Variants in RFTN1 observed in about 807,000 individuals in gnomAD.
The protein encoded by RFTN1 is raftlin.
RFTN1 carries 26 observed loss-of-function variants against 46.5 expected under a neutral mutation model. That is an observed-to-expected ratio of 0.56 (90% CI 0.41 to 0.78). The LOEUF is 0.78. Among genes scored for constraint, RFTN1 ranks in the 30% least tolerant of loss-of-function variants. The pLI is 0.00. For synonymous variants in RFTN1, 261 were observed against 284.2 expected (o/e 0.92, Z 0.82); for missense variants, 693 against 718.7 (o/e 0.96, Z 0.41).
In RFTN1 at chr3:16,479,483, A is replaced by G. The variant is rs563421779; in HGVS notation, c.145+14242T>C. ...GGGATATGGAAGGCAATCCAGAAAA[A>G]CCTCAACATCCTTCTCCCCATTCCT... On this transcript the variant is annotated intron_variant, in intron 2 of 9. Coordinates refer to ENST00000334133, the MANE Select transcript of RFTN1 (RefSeq NM_015150.2). This position sits in a 1 kb window ranked among gnomAD's most constrained non-coding sequence, Gnocchi z 5.1. Among the ~76,000 whole-genome samples, 1 of 152,132 alleles carries G rather than the reference A, an allele frequency of 6.6e-6. No individual in the cohort carries two copies. The highest frequency in any genetic ancestry group is 6.5e-5 in the Admixed American group (1 of 15,282).
Position 16,480,417 on chromosome 3 carries a change from C to A in RFTN1, c.145+13308G>T, listed in dbSNP as rs551160372. On this transcript the variant is annotated intron_variant, in intron 2 of 9. Coordinates refer to ENST00000334133, the MANE Select transcript of RFTN1 (RefSeq NM_015150.2). This position sits in a 1 kb window ranked among gnomAD's most constrained non-coding sequence, Gnocchi z 4.3. ...TATGTACCTGCAAAGTATGTTTATG[C>A]AACAGAATAGAAAAACATCTCAGTG... Among the ~76,000 whole-genome samples, 3 of 152,266 alleles carry A rather than the reference C, an allele frequency of 2.0e-5. No homozygotes were observed. In the East Asian group the frequency reaches 5.8e-4, roughly 29 times the overall value.
At chr3:16,417,692 C>T (rs1032328388) in intron 3 of RFTN1, among the ~76,000 whole-genome samples, 1 of 152,150 alleles carries the variant, frequency 6.6e-6, no homozygotes, top group Non-Finnish European at 1.5e-5. Flanking sequence ...GCCAAACTAG[C>T]GCTGTAAACT....
chr3:16,343,784 G>A (rs1035929555), intron 7 of RFTN1, among the ~76,000 whole-genome samples: 3 of 152,182 alleles, frequency 2.0e-5, no homozygotes, highest in African/African-American at 7.2e-5. Context: ...AGGAATGGCT[G>A]GTCCCTGACT....
In RFTN1 at chr3:16,324,616, C is replaced by CCCT. The variant is rs565711748; in HGVS notation, c.1251-1160_1251-1159insAGG. Among the ~76,000 whole-genome samples, 499 of 144,994 alleles carry CCCT rather than the reference C, an allele frequency of 3.4e-3. 63 individuals carry two copies. The highest frequency in any genetic ancestry group is 5.8e-3 in the Admixed American group (84 of 14,520). ...AATAAATAACAGAATGTCCCTGACC[C>CCCT]CCCCCCTTTTAAGGTTGCATAGTAT... On this transcript the variant is annotated intron_variant, in intron 8 of 9. Coordinates refer to ENST00000334133, the MANE Select transcript of RFTN1 (RefSeq NM_015150.2).
chr3:16,403,752 A>G (rs1396903089), intron 4 of RFTN1, among the ~76,000 whole-genome samples: 1 of 30,934 alleles, frequency 3.2e-5, no homozygotes, highest in Non-Finnish European at 4.8e-5. Flanking sequence ...TATATATTAT[A>G]TATAAAATAT....
chr3:16,415,409 G>GTATATATATATATATATA (rs367960866), intron 3 of RFTN1, among the ~76,000 whole-genome samples: 107 of 104,302 alleles, frequency 1.0e-3, no homozygotes, highest in Non-Finnish European at 1.4e-3. Context: ...AGACAGTTGA[G>GTATATATATATATATATA]TATATATATA....
rs1337109995 is a variant in RFTN1 at position 16,426,392 on chromosome 3, A to C, written c.332+7459T>G. ...ACTTAAAGAGGACACTTTCGACTGT[A>C]ATTTTTTAAAGGATTTTCTTTTTAG... On this transcript the variant is annotated intron_variant, in intron 3 of 9. Coordinates refer to ENST00000334133, the MANE Select transcript of RFTN1 (RefSeq NM_015150.2). This position sits in a 1 kb window ranked among gnomAD's most constrained non-coding sequence, Gnocchi z 5.9. Among the ~76,000 whole-genome samples, 1 of 152,194 alleles carries C rather than the reference A, an allele frequency of 6.6e-6. No homozygotes were observed. Among genetic ancestry groups the C allele is most frequent in the Non-Finnish European group, 1.5e-5 (1 of 68,030 alleles).
chr3:16,463,329 T>TA (rs1411144959), intron 2 of RFTN1, among the ~76,000 whole-genome samples: 1 of 152,196 alleles, frequency 6.6e-6, no homozygotes, highest in African/African-American at 2.4e-5. Flanking sequence ...CTTTTCACTG[T>TA]GCCCCACTTG....
At chr3:16,409,996 T>A (rs914947565) in intron 3 of RFTN1, among the ~76,000 whole-genome samples, 6 of 31,906 alleles carry the variant, frequency 1.9e-4, no homozygotes, top group East Asian at 2.1e-3. Flanking sequence ...CGCAGAATAT[T>A]TTTTTTTTTT....
At chr3:16,406,042 C>T (rs879776347) in intron 4 of RFTN1, among the ~76,000 whole-genome samples, 8 of 152,146 alleles carry the variant, frequency 5.3e-5, no homozygotes, top group Admixed American at 1.3e-4. Flanking sequence ...AAAAAAACCA[C>T]AAATGGTTTT....
In RFTN1 at chr3:16,382,974, TAAC is replaced by T. The variant is rs939088453; in HGVS notation, c.442-4875_442-4873del. Among the ~76,000 whole-genome samples, 1 of 152,162 alleles carries T rather than the reference TAAC, an allele frequency of 6.6e-6. No individual in the cohort carries two copies. The highest frequency in any genetic ancestry group is 2.4e-5 in the African/African-American group (1 of 41,442). Reference sequence around the variant, plus strand: ...CTCCCACGCATGCCCACAACATCTCTAACAACAGCGATTACAGGAAACAGCAAC... The same window carrying T: ...CTCCCACGCATGCCCACAACATCTCTAACAGCGATTACAGGAAACAGCAAC... On this transcript the variant is annotated intron_variant, in intron 4 of 9. Transcript: ENST00000334133. The surrounding 1 kb of genome is among the most constrained non-coding windows in gnomAD (Gnocchi z 4.7).
chr3:16,484,281 C>T lies in RFTN1; in HGVS notation c.145+9444G>A, dbSNP rs924528746. On this transcript the variant is annotated intron_variant, in intron 2 of 9. Coordinates refer to ENST00000334133, the MANE Select transcript of RFTN1 (RefSeq NM_015150.2). This position sits in a 1 kb window ranked among gnomAD's most constrained non-coding sequence, Gnocchi z 4.6. ...ATCAGCTGCTTCTGTAGTTGTGTGT[C>T]AGACTAACACCCCCCAGACTGGAGG... 3.9e-5 allele frequency among the ~76,000 whole-genome samples: 6 copies of T among 152,158 alleles called. No individual in the cohort carries two copies. Among genetic ancestry groups the T allele is most frequent in the African/African-American group, 1.2e-4 (5 of 41,434 alleles).
Position 16,374,450 on chromosome 3 carries a change from A to T in RFTN1, c.826+3268T>A, listed in dbSNP as rs1214035445. On this transcript the variant is annotated intron_variant, in intron 5 of 9. Coordinates refer to ENST00000334133, the MANE Select transcript of RFTN1 (RefSeq NM_015150.2). This position sits in a 1 kb window ranked among gnomAD's most constrained non-coding sequence, Gnocchi z 5.4. ...AACTATCCCAAGGGAGTTGGGAGGG[A>T]AGGAGCCCTCACATCAGGAAAGCCC... is the stretch of plus-strand genomic sequence containing the variant. Among the ~76,000 whole-genome samples the T allele has an allele frequency of 6.6e-6, 1 of 152,098 alleles. No homozygotes were observed. Among genetic ancestry groups the T allele is most frequent in the East Asian group, 1.9e-4 (1 of 5,186 alleles).
rs1270324730 is a variant in RFTN1, at chr3:16,378,112, A to C, written c.442-10T>G. On this transcript the variant is annotated splice_polypyrimidine_tract_variant and intron_variant, in intron 4 of 9. Coordinates refer to ENST00000334133, the MANE Select transcript of RFTN1 (RefSeq NM_015150.2). ...TTGCAGCCTCCTGGATCTGTGAGGC[A>C]AACAAAAGGAAGGGAAACAAGTGAA... 1.2e-6 allele frequency: 2 copies of C among 1,602,184 alleles called. No individual in the cohort carries two copies. The highest frequency in any genetic ancestry group is 1.7e-6 in the Non-Finnish European group (2 of 1,170,136).
intron 2 of RFTN1, among the ~76,000 whole-genome samples, chr3:16,455,610 T>C (rs1423809382): frequency 6.6e-6 from 1 of 152,158 alleles, no homozygotes; most frequent in Non-Finnish European, 1.5e-5. Flanking sequence ...TTTATGGTCC[T>C]CAAAGCCCAG....
rs180810822 is a variant in RFTN1 at position 16,340,132 on chromosome 3, C to A, written c.1147-13256G>T. The stretch of plus-strand genomic sequence containing the variant: ...AGCCACACACAAACTTGTTTCTTCC[C>A]TGTTTCTGTTCCATTGCCACGCATT... On this transcript the variant is annotated intron_variant, in intron 7 of 9. Transcript: ENST00000334133. Among the ~76,000 whole-genome samples the A allele has an allele frequency of 1.3e-5, 2 of 152,130 alleles. 1 individual carries two copies. Among genetic ancestry groups the A allele is most frequent in the South Asian group, 4.1e-4 (2 of 4,828 alleles).
chr3:16,476,718 A>C (rs2076286538), intron 2 of RFTN1, among the ~76,000 whole-genome samples: 1 of 152,208 alleles, frequency 6.6e-6, no homozygotes, highest in Non-Finnish European at 1.5e-5. Context: ...ATTTGGAGCA[A>C]TGCCACAGTC....
intron 6 of RFTN1, among the ~76,000 whole-genome samples, chr3:16,358,725 A>C (rs1281720285): frequency 6.6e-6 from 1 of 152,118 alleles, no homozygotes; most frequent in African/African-American, 2.4e-5. Flanking sequence ...ATCTTAGGCA[A>C]TGAGGGTAAA....
chr3:16,368,382 G>A (rs1250796122), intron 6 of RFTN1, among the ~76,000 whole-genome samples: 2 of 152,178 alleles, frequency 1.3e-5, no homozygotes, highest in African/African-American at 2.4e-5. Context: ...TTAAAGACAC[G>A]TATATTCGGC....
Sources: gnomAD v4.1 joint callset for allele counts (sites outside exome capture counted in the v4.1 genomes callset) on GRCh38, gnomAD v4.1.1 for gene constraint, Gnocchi (gnomAD v3.1) non-coding constraint, MANE v1.5 for transcripts, NCBI Gene and HGNC (gene_info 2026-07-23, HGNC 2026-07-21) for gene names.